Variants in ZMYND8 observed in about 807,000 individuals in gnomAD.
ZMYND8 encodes the protein zinc finger MYND-type containing 8.
Under a neutral mutation model 140.8 loss-of-function variants are expected in ZMYND8, and 37 were observed. The observed-to-expected ratio is 0.26, with a 90% CI of 0.20 to 0.35. The LOEUF is 0.35. Among genes scored for constraint, ZMYND8 ranks in the 10% least tolerant of loss-of-function variants. The pLI is 1.00. For missense variants in ZMYND8, 1,068 were observed against 1,570.0 expected (o/e 0.68, Z 5.40); for synonymous variants, 592 against 597.1 (o/e 0.99, Z 0.12).
At position 47,303,329 on chromosome 20, in the gene ZMYND8, C is replaced by T. The variant is rs145107940; in HGVS notation, c.235-4382G>A. Among the ~76,000 whole-genome samples, 12 of 152,196 alleles carry T rather than the reference C, an allele frequency of 7.9e-5. No homozygotes were observed. In the East Asian group the frequency reaches 2.3e-3, roughly 29 times the overall value. On this transcript the variant is annotated intron_variant, in intron 3 of 22. Transcript: ENST00000471951. ...ACCCCGAGTGAGGTCTTCTAGGATGCTACTGTGGTTTTTGAAAGATAACAG... is the reference window on the plus strand; with the variant it reads ...ACCCCGAGTGAGGTCTTCTAGGATGTTACTGTGGTTTTTGAAAGATAACAG...
chr20:47,212,390 C>T (rs1029669088), intron 22 of ZMYND8, among the ~76,000 whole-genome samples: 3 of 152,172 alleles, frequency 2.0e-5, no homozygotes, highest in South Asian at 2.1e-4. Flanking sequence ...TCATCTAGGA[C>T]CCTTTATGAA....
At chr20:47,322,036 T>C (rs917212727) in intron 2 of ZMYND8, among the ~76,000 whole-genome samples, 1 of 151,846 alleles carries the variant, frequency 6.6e-6, no homozygotes, top group Non-Finnish European at 1.5e-5. Context: ...AATTTTTGTA[T>C]TTTTTGTAGA....
At chr20:47,249,467 G>C (rs1568989202) in intron 12 of ZMYND8, 28 bp from the exon 13 acceptor site, 1 of 1,611,160 alleles carries the variant, frequency 6.2e-7, no homozygotes, top group South Asian at 1.1e-5. Flanking sequence ...ACCCTCGTAA[G>C]ATCAGGCACA....
chr20:47,284,954 G>A (rs982278319), intron 8 of ZMYND8, among the ~76,000 whole-genome samples: 18 of 152,164 alleles, frequency 1.2e-4, no homozygotes, highest in Non-Finnish European at 2.9e-5. Context: ...AATTAAATGA[G>A]ATAAATGTAA....
At chr20:47,258,423 C>CA (rs1425302948) in intron 12 of ZMYND8, among the ~76,000 whole-genome samples, 1 of 152,170 alleles carries the variant, frequency 6.6e-6, no homozygotes, top group Non-Finnish European at 1.5e-5. Flanking sequence ...TTACAGACAG[C>CA]AAAATTCACT....
At chr20:47,261,039 T>C (rs928061626) in intron 12 of ZMYND8, among the ~76,000 whole-genome samples, 1 of 151,922 alleles carries the variant, frequency 6.6e-6, no homozygotes, top group Non-Finnish European at 1.5e-5. Context: ...CTGACCAACA[T>C]GGAGAAACCT....
chr20:47,235,907 A>G (rs964065200), intron 16 of ZMYND8, among the ~76,000 whole-genome samples: 1 of 152,128 alleles, frequency 6.6e-6, no homozygotes, highest in African/African-American at 2.4e-5. Flanking sequence ...GGAAAAATCA[A>G]AGTGTGGGCA....
chr20:47,287,929 C>T (rs1409012313), intron 7 of ZMYND8, among the ~76,000 whole-genome samples: 4 of 152,166 alleles, frequency 2.6e-5, no homozygotes. Context: ...AAAATGTGCC[C>T]ATTTAATGAA....
intron 11 of ZMYND8, among the ~76,000 whole-genome samples, chr20:47,266,955 C>T (rs367843107): frequency 2.0e-5 from 3 of 152,176 alleles, no homozygotes; most frequent in South Asian, 4.2e-4. Flanking sequence ...TCCTTGGATA[C>T]GAATGTGCAC....
chr20:47,343,290 CAAAT>C (rs2082059448), intron 2 of ZMYND8, among the ~76,000 whole-genome samples: 1 of 152,174 alleles, frequency 6.6e-6, no homozygotes, highest in Admixed American at 6.5e-5. Flanking sequence ...CTCAAACGAA[CAAAT>C]AAATAAACCC....
At chr20:47,245,960 G>T in intron 14 of ZMYND8, 48 bp downstream of exon 14, 1 of 1,535,340 alleles carries the variant, frequency 6.5e-7, no homozygotes, top group Non-Finnish European at 8.7e-7. Flanking sequence ...GTACGAGGTA[G>T]GATTCTAAAC....
intron 18 of ZMYND8, among the ~76,000 whole-genome samples, chr20:47,225,377 A>G (rs2037530215): frequency 6.6e-6 from 1 of 151,582 alleles, no homozygotes; most frequent in African/African-American, 2.4e-5. Flanking sequence ...CCTGGCCAAC[A>G]TGGTGAAACC....
At chr20:47,221,199 C>T (rs1045013196) in intron 20 of ZMYND8, 115 bp downstream of exon 20, 7 of 1,410,754 alleles carry the variant, frequency 5.0e-6, no homozygotes, top group Admixed American at 4.1e-5. Context: ...TGCCGGCACA[C>T]TGTTAGGACA....
chr20:47,340,794 AT>A (rs1008250105), intron 2 of ZMYND8, among the ~76,000 whole-genome samples: 47 of 147,486 alleles, frequency 3.2e-4, no homozygotes, highest in African/African-American at 1.1e-3. Flanking sequence ...CTCAAAAAGT[AT>A]TTTTTTTAAT....
At chr20:47,278,970 A>G (rs907654803) in intron 10 of ZMYND8, among the ~76,000 whole-genome samples, 2 of 151,738 alleles carry the variant, frequency 1.3e-5, no homozygotes, top group African/African-American at 4.8e-5. Flanking sequence ...AAGGAGAGTG[A>G]GTCCTTCTCT....
At chr20:47,259,978 G>A (rs906776402) in intron 12 of ZMYND8, among the ~76,000 whole-genome samples, 1 of 152,080 alleles carries the variant, frequency 6.6e-6, no homozygotes, top group Admixed American at 6.6e-5. Flanking sequence ...CTGCCCTATT[G>A]ACCTCTCCAC....
At chr20:47,351,101 C>T (rs1424536559) in intron 1 of ZMYND8, among the ~76,000 whole-genome samples, 1 of 152,190 alleles carries the variant, frequency 6.6e-6, no homozygotes, top group African/African-American at 2.4e-5. Flanking sequence ...AAAGATTTCT[C>T]CCCCAGTGCC....
intron 2 of ZMYND8, among the ~76,000 whole-genome samples, chr20:47,314,697 C>A (rs1364151311): frequency 6.6e-6 from 1 of 152,200 alleles, no homozygotes; most frequent in Non-Finnish European, 1.5e-5. Context: ...CTACACAATC[C>A]TGTTCCACAC....
At chr20:47,243,027 C>A (rs1262345898) in intron 14 of ZMYND8, among the ~76,000 whole-genome samples, 1 of 152,188 alleles carries the variant, frequency 6.6e-6, no homozygotes, top group Non-Finnish European at 1.5e-5. Flanking sequence ...AAATTAGCAT[C>A]CCCTTTGTAG....
Sources: gnomAD v4.1 joint callset for allele counts (sites outside exome capture counted in the v4.1 genomes callset) on GRCh38, gnomAD v4.1.1 for gene constraint, MANE v1.5 for transcripts, NCBI Gene and HGNC (gene_info 2026-07-23, HGNC 2026-07-21) for gene names.